ASIP: variants seen among roughly 807,000 people sequenced by gnomAD.
ASIP encodes the protein agouti signaling protein.
In ASIP, 11 loss-of-function variants were observed where a neutral mutation model predicts 10.3. The ratio of observed to expected loss-of-function variants is 1.07; its 90% CI spans 0.68 to 1.78. The LOEUF (loss-of-function observed/expected upper bound fraction) is 1.78, where lower values mean the gene tolerates loss of function less well. Ranked by LOEUF, ASIP falls within the 40% of genes most tolerant of loss-of-function variation. ASIP has a pLI of 0.00. For synonymous variants in ASIP, 70 were observed against 70.8 expected (o/e 0.99, Z 0.06); for missense variants, 180 against 169.2 (o/e 1.06, Z -0.35).
the ASIP span, among the ~76,000 whole-genome samples, chr20:34,188,411 A>C: frequency 6.6e-6 from 1 of 152,198 alleles, no homozygotes; most frequent in Non-Finnish European, 1.5e-5. Flanking sequence ...ACATCATGGA[A>C]AAGTAATTTC....
In ASIP at chr20:34,215,087, G is replaced by A. The variant is rs2034998605; in HGVS notation, c.-11+20327G>A. The A allele has an allele frequency of 2.6e-5, 41 of 1,562,890 alleles. No individual in the cohort carries two copies. The South Asian group carries it at 3.1e-4, about 12-fold the overall frequency. On this transcript the variant is annotated intron_variant, in intron 1 of 3. Coordinates refer to the ASIP transcript ENST00000568305. ...AAAAAGCCAGCAGACTGTAATACTT[G>A]ACACAAAGATTCTACTAGTTTCATT...
rs1190819483 is a variant in ASIP, at chr20:34,213,711, T to C, written c.-11+18951T>C. The C allele has an allele frequency of 2.6e-5, 39 of 1,522,070 alleles. 2 individuals carry two copies. Among genetic ancestry groups the C allele is most frequent in the Non-Finnish European group, 3.2e-5 (35 of 1,096,832 alleles). 94.3% of individuals were successfully genotyped at this position (1,522,070 alleles called of 1,614,324 possible). On this transcript the variant is annotated intron_variant, in intron 1 of 3. Coordinates refer to the ASIP transcript ENST00000568305. ...AAGCAGATGGGATGAACGGAAAAACTTCTTCCTCCAGGCAAATAATCATTC... is the reference window on the plus strand; with the variant it reads ...AAGCAGATGGGATGAACGGAAAAACCTCTTCCTCCAGGCAAATAATCATTC...
chr20:34,268,028 A>G (rs1209782242), intron 3 of ASIP, among the ~76,000 whole-genome samples: 1 of 152,256 alleles, frequency 6.6e-6, no homozygotes, highest in African/African-American at 2.4e-5. Context: ...TTTGACAAGC[A>G]TAAAATGTAG....
chr20:34,196,419 C>A (rs2034857749), intron 1 of ASIP, among the ~76,000 whole-genome samples: 1 of 151,880 alleles, frequency 6.6e-6, no homozygotes, highest in Non-Finnish European at 1.5e-5. Context: ...ATGATCCACC[C>A]GCCTCGGCCT....
intron 1 of ASIP, among the ~76,000 whole-genome samples, chr20:34,195,803 T>G (rs561346863): frequency 5.3e-4 from 81 of 152,048 alleles, no homozygotes; most frequent in African/African-American, 2.0e-3. Flanking sequence ...TTGTTTTGTT[T>G]TGTTTGTTTT....
chr20:34,237,500 T>G (rs565180616), upstream of ASIP, among the ~76,000 whole-genome samples: 1 of 152,344 alleles, frequency 6.6e-6, no homozygotes, highest in African/African-American at 2.4e-5. Context: ...TGATATAACT[T>G]TGTATCCTGC....
intron 1 of ASIP, among the ~76,000 whole-genome samples, chr20:34,223,477 A>G (rs1390851815): frequency 1.3e-5 from 2 of 149,700 alleles, no homozygotes; most frequent in African/African-American, 4.9e-5. Context: ...CCCGGCAGCC[A>G]CCCCGTCCGG....
chr20:34,223,586 G>C (rs1201757766), intron 1 of ASIP, among the ~76,000 whole-genome samples: 21 of 146,218 alleles, frequency 1.4e-4, no homozygotes, highest in Non-Finnish European at 3.0e-4. Flanking sequence ...TGCCCTCCGG[G>C]AGGGAGGTGG....
chr20:34,197,802 A>T (rs1421668251), intron 1 of ASIP, among the ~76,000 whole-genome samples: 2 of 152,148 alleles, frequency 1.3e-5, no homozygotes, highest in Non-Finnish European at 2.9e-5. Context: ...CCAAGCTCAT[A>T]ATCAGGAATT....
chr20:34,219,293 G>T (rs996956584), intron 1 of ASIP, among the ~76,000 whole-genome samples: 1 of 152,200 alleles, frequency 6.6e-6, no homozygotes, highest in Non-Finnish European at 1.5e-5. Context: ...GTGGATGCTT[G>T]TTATGTGCCA....
intron 1 of ASIP, among the ~76,000 whole-genome samples, chr20:34,252,849 T>C (rs1424073922): frequency 2.0e-5 from 3 of 152,186 alleles, no homozygotes; most frequent in Non-Finnish European, 4.4e-5. Context: ...CCCTGGTTAA[T>C]CGAGAATGGA....
chr20:34,190,278 C>T (rs531580324), upstream of ASIP, among the ~76,000 whole-genome samples: 24 of 152,208 alleles, frequency 1.6e-4, no homozygotes, highest in Admixed American at 4.6e-4. Context: ...TTTTATAGAA[C>T]CTCCCAGATG....
upstream of ASIP, among the ~76,000 whole-genome samples, chr20:34,241,076 G>A (rs1359392526): frequency 6.6e-6 from 1 of 152,074 alleles, no homozygotes; most frequent in Non-Finnish European, 1.5e-5. Flanking sequence ...ACCCTTAGAG[G>A]GGCTAATAGA....
rs780888249 is a variant in ASIP at position 34,269,030 on chromosome 20, C to A, written c.262C>A (p.Pro88Thr). Residue 88 changes from proline to threonine, a missense_variant, in exon 4 of 4, where the codon CCC (proline) becomes ACC (threonine). Physicochemically the swap from Pro to Thr is conservative, Grantham distance 38. Coordinates refer to ENST00000374954, the MANE Select transcript of ASIP (RefSeq NM_001672.3). ...SMKKVVRPRT[P>T]LSAPCVATRN... ...GAAGAAAGTGGTGCGGCCCCGGACC[C>A]CCCTATCTGCGCCCTGCGTGGCCAC... 3.1e-6 allele frequency: 5 copies of A among 1,607,874 alleles called. No homozygotes were observed. The South Asian group carries it at 3.3e-5, about 11-fold the overall frequency.
chr20:34,200,865 T>G (rs1362083423), intron 1 of ASIP, among the ~76,000 whole-genome samples: 4 of 152,174 alleles, frequency 2.6e-5, no homozygotes, highest in Non-Finnish European at 2.9e-5. Flanking sequence ...TTAATGCCTT[T>G]TACATTTGGA....
chr20:34,264,567 T>C (rs899960322), intron 3 of ASIP, among the ~76,000 whole-genome samples: 1 of 152,150 alleles, frequency 6.6e-6, no homozygotes, highest in African/African-American at 2.4e-5. Flanking sequence ...CAAGAAAAAG[T>C]TGCTTGAATT....
chr20:34,188,978 G>C, the ASIP span, among the ~76,000 whole-genome samples: 1 of 152,140 alleles, frequency 6.6e-6, no homozygotes, highest in East Asian at 1.9e-4. Context: ...TTAACCTAAA[G>C]AGTCATTTTA....
intron 1 of ASIP, among the ~76,000 whole-genome samples, chr20:34,196,987 CT>C (rs74271768): frequency 0.014 from 1,937 of 135,238 alleles, 5 homozygotes; most frequent in African/African-American, 0.018. Context: ...CTTAAACATT[CT>C]TTTTTTTTTT....
At chr20:34,188,495 T>C in the ASIP span, among the ~76,000 whole-genome samples, 2 of 152,234 alleles carry the variant, frequency 1.3e-5, no homozygotes, top group African/African-American at 4.8e-5. Flanking sequence ...CATTAACATA[T>C]TCCAAAACTT....
Sources: gnomAD v4.1 joint callset for allele counts (sites outside exome capture counted in the v4.1 genomes callset) on GRCh38, gnomAD v4.1.1 for gene constraint, MANE v1.5 for transcripts, NCBI Gene and HGNC (gene_info 2026-07-23, HGNC 2026-07-21) for gene names.